Variants in CEACAM1 observed in about 807,000 individuals in gnomAD.
CEACAM1 encodes CEA cell adhesion molecule 1.
A neutral mutation model predicts 49.1 loss-of-function variants in CEACAM1; 31 were observed. The ratio of observed to expected loss-of-function variants is 0.63; its 90% CI spans 0.47 to 0.85. The LOEUF (loss-of-function observed/expected upper bound fraction) is 0.85. Ranked by LOEUF, CEACAM1 falls within the 40% of genes least tolerant of loss-of-function variation. The probability of loss-of-function intolerance (pLI) is 0.00; values close to 1 mark genes in which losing one functional copy is unlikely to be tolerated. For missense variants in CEACAM1, 570 were observed against 645.3 expected (o/e 0.88, Z 1.26); for synonymous variants, 244 against 247.8 (o/e 0.98, Z 0.14).
chr19:42,517,153 A>T (rs968956528), intron 5 of CEACAM1, among the ~76,000 whole-genome samples: 1 of 152,232 alleles, frequency 6.6e-6, no homozygotes, highest in African/African-American at 2.4e-5. Context: ...TTGAACCTTT[A>T]TGTAACACCA....
At chr19:42,526,626 G>A (rs1302819784) in intron 2 of CEACAM1, among the ~76,000 whole-genome samples, 1 of 152,168 alleles carries the variant, frequency 6.6e-6, no homozygotes, top group Non-Finnish European at 1.5e-5. Flanking sequence ...GGGTCACCAG[G>A]AGTTGAGAAC....
At position 42,526,441 on chromosome 19, in the gene CEACAM1, C is replaced by G. The variant is rs960887908; in HGVS notation, c.424+600G>C. Among the ~76,000 whole-genome samples, 3 of 152,180 alleles carry G rather than the reference C, an allele frequency of 2.0e-5. No individual in the cohort carries two copies. In the South Asian group the frequency reaches 6.2e-4, roughly 31 times the overall value. On this transcript the variant is annotated intron_variant, in intron 2 of 8. Transcript: ENST00000161559. ...TGGGGAGCTTGTCCATCTGTCCTCT[C>G]CAGGCTGAGACTAAGGTGAAGGATG...
chr19:42,526,876 C>T (rs548134467), intron 2 of CEACAM1, among the ~76,000 whole-genome samples, 165 bp downstream of exon 2: 4 of 152,136 alleles, frequency 2.6e-5, no homozygotes, highest in African/African-American at 2.4e-5. Flanking sequence ...GTAAGACATT[C>T]GGTATTTTGA....
chr19:42,526,524 T>G (rs2041895108), intron 2 of CEACAM1, among the ~76,000 whole-genome samples: 1 of 152,182 alleles, frequency 6.6e-6, no homozygotes, highest in African/African-American at 2.4e-5. Context: ...GGTTACCAGC[T>G]CCAGGAGCCA....
In CEACAM1 at chr19:42,521,500, ATGG is replaced by A. The variant is rs748368425; in HGVS notation, c.722_724del (p.Thr241del). ...ACGGTAATAGGTGTCTGAAGGGGAAATGGTGGGGGTGTCCGGGCCATCTGGAGC... is the reference window on the plus strand; with the variant it reads ...ACGGTAATAGGTGTCTGAAGGGGAAATGGGGGTGTCCGGGCCATCTGGAGC... On this transcript the variant is annotated inframe_deletion, in exon 4 of 9. Transcript: ENST00000161559. 3 of 1,613,666 alleles carry A rather than the reference ATGG, an allele frequency of 1.9e-6. No homozygotes were observed. The Admixed American group carries it at 5.0e-5, about 27-fold the overall frequency.
chr19:42,521,592 G>A, intron 3 of CEACAM1, 71 bp from the exon 4 acceptor site: 1 of 1,568,704 alleles, frequency 6.4e-7, no homozygotes, highest in Non-Finnish European at 8.6e-7. Flanking sequence ...CTGGAGAAGG[G>A]CCACAGTGTT....
intron 5 of CEACAM1, among the ~76,000 whole-genome samples, chr19:42,516,202 G>A (rs2041596133): frequency 6.6e-6 from 1 of 151,840 alleles, no homozygotes; most frequent in South Asian, 2.1e-4. Flanking sequence ...GAAAAAAAAA[G>A]CATCTAGATT....
At chr19:42,511,762 G>A (rs997115603) in intron 6 of CEACAM1, 134 bp from the exon 7 acceptor site, 4 of 754,298 alleles carry the variant, frequency 5.3e-6, no homozygotes, top group South Asian at 4.8e-5. Context: ...TGAGGGCCTC[G>A]TTCTTCAGTC....
At chr19:42,523,833 A>G (rs1265594627) in intron 2 of CEACAM1, among the ~76,000 whole-genome samples, 1 of 152,228 alleles carries the variant, frequency 6.6e-6, no homozygotes, top group East Asian at 1.9e-4. Context: ...GGATCATGTT[A>G]TGATCAAAGA....
At chr19:42,527,504 AGTGTGT>A (rs3038002) in intron 1 of CEACAM1, 104 bp from the exon 2 acceptor site, 50,367 of 705,602 alleles carry the variant, frequency 0.071, 232 homozygotes, top group South Asian at 0.12. Flanking sequence ...TCCACCTTGG[AGTGTGT>A]GTGTGTGTGT....
intron 8 of CEACAM1, 32 bp downstream of exon 8, chr19:42,510,857 A>G (rs1721207879): frequency 1.3e-6 from 2 of 1,588,016 alleles, no homozygotes; most frequent in African/African-American, 1.3e-5. Context: ...TTTCCATGAG[A>G]AAATAAGCCC....
rs545893441 is a variant in CEACAM1, at chr19:42,511,406, T to G, written c.1429+170A>C. ...CCTCAGATGTGTCTCAGGGGACTCCTGTGGCTAGGAAGGGTGGGAAGACCT... is the reference window on the plus strand; with the variant it reads ...CCTCAGATGTGTCTCAGGGGACTCCGGTGGCTAGGAAGGGTGGGAAGACCT... On this transcript the variant is annotated intron_variant, in intron 7 of 8. Coordinates refer to ENST00000161559, the MANE Select transcript of CEACAM1 (RefSeq NM_001712.5). 1.2e-5 allele frequency: 8 copies of G among 640,226 alleles called. No homozygotes were observed. In the East Asian group the frequency reaches 2.2e-4, roughly 17 times the overall value. 39.7% of individuals were successfully genotyped at this position (640,226 alleles called of 1,614,324 possible).
chr19:42,511,595 T>G lies in CEACAM1; in HGVS notation c.1410A>C (p.Lys470Asn), dbSNP rs2041458076. Residue 470 changes from lysine (K) to asparagine (N), a missense_variant, in exon 7 of 9, where the codon AAA becomes AAC. Lys to Asn is a moderately conservative substitution (Grantham distance 94). Coordinates refer to ENST00000161559, the MANE Select transcript of CEACAM1 (RefSeq NM_001712.5). ...ASDQRDLTEH[K>N]PSVSNHTQDH... ...ACTTACTGTGGTTGGAGACTGAGGG[T>G]TTGTGCTCTGTGAGATCACGCTGGT... 1.9e-6 allele frequency: 3 copies of G among 1,613,840 alleles called. No individual in the cohort carries two copies. The highest frequency in any genetic ancestry group is 1.7e-5 in the Admixed American group (1 of 60,004).
chr19:42,512,812 C>T (rs534731493), intron 5 of CEACAM1, among the ~76,000 whole-genome samples: 2 of 152,074 alleles, frequency 1.3e-5, no homozygotes, highest in South Asian at 2.1e-4. Flanking sequence ...ACTACAGGCA[C>T]GTGCCACCAC....
chr19:42,525,764 C>T (rs1015913938), intron 2 of CEACAM1: 5 of 152,110 alleles, frequency 3.3e-5, no homozygotes, highest in African/African-American at 1.2e-4. Context: ...TGTAACTGAT[C>T]TTCCAGTTAC....
chr19:42,526,637 C>T (rs1402448663), intron 2 of CEACAM1, among the ~76,000 whole-genome samples: 1 of 152,160 alleles, frequency 6.6e-6, no homozygotes, highest in Non-Finnish European at 1.5e-5. Context: ...AGTTGAGAAC[C>T]TTGGGATAGT....
At chr19:42,515,347 C>G (rs574249311) in intron 5 of CEACAM1, among the ~76,000 whole-genome samples, 1 of 152,206 alleles carries the variant, frequency 6.6e-6, no homozygotes, top group South Asian at 2.1e-4. Context: ...ATCCGAGGCT[C>G]AGAGTAGTTA....
At chr19:42,513,915 T>TATATATATATATAAATAA (rs1432939598) in intron 5 of CEACAM1, among the ~76,000 whole-genome samples, 189 of 129,762 alleles carry the variant, frequency 1.5e-3, no homozygotes, top group African/African-American at 6.3e-3. Context: ...TATATATATA[T>TATATATATATATAAATAA]ATAATATATA....
intron 5 of CEACAM1, chr19:42,518,694 G>A: frequency 2.2e-6 from 1 of 445,370 alleles, no homozygotes; most frequent in Non-Finnish European, 4.0e-6. Context: ...TAGACACGGG[G>A]TTTCACCATA....
Sources: allele counts gnomAD v4.1 joint callset (sites outside exome capture counted in the v4.1 genomes callset), GRCh38; gene constraint gnomAD v4.1.1; transcripts MANE v1.5; gene names NCBI Gene and HGNC (gene_info 2026-07-23, HGNC 2026-07-21).